FAM135A: variants seen among roughly 807,000 people sequenced by gnomAD.
FAM135A encodes the protein protein FAM135A.
In FAM135A, 79 loss-of-function variants were observed where a neutral mutation model predicts 146.8. The observed-to-expected ratio is 0.54, with a 90% CI of 0.45 to 0.65. The LOEUF is 0.65. FAM135A is among the 30% of genes least tolerant of loss of function. The pLI is 0.00. For missense variants in FAM135A, 1,623 were observed against 1,758.2 expected (o/e 0.92, Z 1.38); for synonymous variants, 562 against 603.6 (o/e 0.93, Z 1.01).
At chr6:70,549,302 G>C (rs1448564636) in intron 20 of FAM135A, among the ~76,000 whole-genome samples, 1 of 151,996 alleles carries the variant, frequency 6.6e-6, no homozygotes. Flanking sequence ...ATTCCATGTA[G>C]TAGTTAAAAG....
intron 5 of FAM135A, among the ~76,000 whole-genome samples, chr6:70,456,759 C>T (rs1041401320): frequency 7.2e-5 from 11 of 152,166 alleles, no homozygotes; most frequent in Admixed American, 6.5e-4. Context: ...AAATATTTCT[C>T]TACCTCTGCT....
chr6:70,544,992 A>G (rs1798587919), intron 20 of FAM135A, among the ~76,000 whole-genome samples: 1 of 151,632 alleles, frequency 6.6e-6, no homozygotes, highest in South Asian at 2.1e-4. Flanking sequence ...CGTAGGATGC[A>G]GTGAGCCAAG....
chr6:70,550,891 G>T (rs1562027555), intron 20 of FAM135A, among the ~76,000 whole-genome samples: 1 of 152,172 alleles, frequency 6.6e-6, no homozygotes, highest in Non-Finnish European at 1.5e-5. Flanking sequence ...CAGATAACTT[G>T]CCATAGCTTC....
intron 20 of FAM135A, among the ~76,000 whole-genome samples, chr6:70,553,853 A>T (rs1288193048): frequency 6.6e-6 from 1 of 152,186 alleles, no homozygotes; most frequent in Non-Finnish European, 1.5e-5. Flanking sequence ...TAAGAGGAGA[A>T]AGCAACATGT....
chr6:70,480,751 A>T, intron 8 of FAM135A, 150 bp from the exon 9 acceptor site: 1 of 587,452 alleles, frequency 1.7e-6, no homozygotes, highest in East Asian at 3.5e-5. Flanking sequence ...TATTCAAATT[A>T]TTTTTTAAAA....
chr6:70,477,538 A>ATC (rs1160934717), intron 8 of FAM135A, among the ~76,000 whole-genome samples: 1 of 152,146 alleles, frequency 6.6e-6, no homozygotes, highest in Non-Finnish European at 1.5e-5. Flanking sequence ...GGGAGCAGGC[A>ATC]TCTCACATGG....
At chr6:70,469,268 A>G (rs1417652833) in intron 5 of FAM135A, among the ~76,000 whole-genome samples, 2 of 152,210 alleles carry the variant, frequency 1.3e-5, no homozygotes, top group Non-Finnish European at 2.9e-5. Context: ...GGATGAGTGA[A>G]TGAATGACTA....
At chr6:70,522,143 T>C (rs566212699) in intron 12 of FAM135A, among the ~76,000 whole-genome samples, 31 of 152,104 alleles carry the variant, frequency 2.0e-4, no homozygotes, top group Middle Eastern at 3.2e-3. Flanking sequence ...TCTCGAACTC[T>C]TGACCTCAGG....
chr6:70,553,218 CAG>C (rs1800181576), intron 20 of FAM135A, among the ~76,000 whole-genome samples: 1 of 152,188 alleles, frequency 6.6e-6, no homozygotes, highest in Non-Finnish European at 1.5e-5. Context: ...GAAAGCTAAC[CAG>C]ATCAGTTTCT....
At chr6:70,434,916 G>A (rs575742822) in intron 4 of FAM135A, among the ~76,000 whole-genome samples, 1 of 152,066 alleles carries the variant, frequency 6.6e-6, no homozygotes, top group African/African-American at 2.4e-5. Context: ...CTGTAGAACA[G>A]TTAATTGAAT....
chr6:70,430,819 G>A (rs1293530913), intron 4 of FAM135A, among the ~76,000 whole-genome samples: 2 of 152,130 alleles, frequency 1.3e-5, no homozygotes, highest in Non-Finnish European at 2.9e-5. Flanking sequence ...GCAAGTTCTA[G>A]TTGCTCTAGA....
chr6:70,516,661 A>G (rs962667489), intron 12 of FAM135A, among the ~76,000 whole-genome samples: 1 of 150,834 alleles, frequency 6.6e-6, no homozygotes, highest in African/African-American at 2.4e-5. Flanking sequence ...CAGCCTCCCA[A>G]GTAGCTGGGA....
At chr6:70,482,222 A>AAATTGCCTTTTAAAATTTAT in intron 10 of FAM135A, 68 bp downstream of exon 10, 3 of 1,490,702 alleles carry the variant, frequency 2.0e-6, no homozygotes, top group Non-Finnish European at 2.7e-6. Flanking sequence ...ATTGCTAGCT[A>AAATTGCCTTTTAAAATTTAT]TCAGCTTTGC....
chr6:70,532,268 A>G (rs1795974384), intron 16 of FAM135A, among the ~76,000 whole-genome samples: 1 of 152,114 alleles, frequency 6.6e-6, no homozygotes, highest in Non-Finnish European at 1.5e-5. Flanking sequence ...TGGTGTAAAA[A>G]ATTTTTGAAA....
intron 5 of FAM135A, among the ~76,000 whole-genome samples, chr6:70,459,842 A>G (rs1442674708): frequency 6.6e-6 from 1 of 152,142 alleles, no homozygotes; most frequent in Non-Finnish European, 1.5e-5. Context: ...AGCCTGACCA[A>G]CATCGTGAAA....
chr6:70,536,325 A>G lies in FAM135A; in HGVS notation c.4031A>G (p.Tyr1344Cys), dbSNP rs1796790127. 1 of 1,613,490 alleles carries G rather than the reference A, an allele frequency of 6.2e-7. No individual in the cohort carries two copies. The highest frequency in any genetic ancestry group is 8.5e-7 in the Non-Finnish European group (1 of 1,179,690). The change falls in exon 19 of 22, where the codon TAT (tyrosine) becomes TGT (cysteine). Residue 1344 changes from tyrosine to cysteine, a missense_variant. By Grantham distance (194) the Tyr-to-Cys change is radical. Around this residue, in one of 7 missense-constraint regions of FAM135A, gnomAD observed 1,061 missense variants for 1,113.8 expected, o/e 0.95. Coordinates refer to ENST00000418814, the MANE Select transcript of FAM135A (RefSeq NM_001162529.3). ...GTGCTTACAAGGCCAAGGTTTAAATATTACCTCAACAAACTTCATACCTTT... is the reference window on the plus strand; with the variant it reads ...GTGCTTACAAGGCCAAGGTTTAAATGTTACCTCAACAAACTTCATACCTTT... ...RSVLTRPRFKYYLNKLHTFLS... is the reference protein window; with the variant it reads ...RSVLTRPRFKCYLNKLHTFLS...
intron 12 of FAM135A, among the ~76,000 whole-genome samples, chr6:70,515,683 T>C (rs1258735671): frequency 6.6e-6 from 1 of 152,162 alleles, no homozygotes; most frequent in Non-Finnish European, 1.5e-5. Flanking sequence ...TGTAATGGTA[T>C]ATATATGTCA....
chr6:70,554,949 ACATCT>A (rs1273647948), intron 20 of FAM135A, among the ~76,000 whole-genome samples: 1 of 152,200 alleles, frequency 6.6e-6, no homozygotes, highest in East Asian at 1.9e-4. Flanking sequence ...ATAAAATATA[ACATCT>A]CAACTCATTC....
At chr6:70,445,997 C>G (rs1775632876) in intron 4 of FAM135A, among the ~76,000 whole-genome samples, 2 of 152,224 alleles carry the variant, frequency 1.3e-5, no homozygotes. Context: ...ATTAAAAGCA[C>G]AATCATCATT....
Sources: allele counts gnomAD v4.1 joint callset (sites outside exome capture counted in the v4.1 genomes callset), GRCh38; gene constraint gnomAD v4.1.1; regional missense constraint gnomAD v4.1.1; transcripts MANE v1.5; gene names NCBI Gene and HGNC (gene_info 2026-07-23, HGNC 2026-07-21).